Variants in COMMD1 observed in about 807,000 individuals in gnomAD.
COMMD1 encodes copper metabolism domain containing 1.
COMMD1 carries 10 observed loss-of-function variants against 17.2 expected under a neutral mutation model. That is an observed-to-expected ratio of 0.58 (90% CI 0.36 to 0.99). The LOEUF (loss-of-function observed/expected upper bound fraction) is 0.99, where lower values mean the gene tolerates loss of function less well. COMMD1 is among the 50% of genes least tolerant of loss of function. COMMD1 has a pLI of 0.01. For missense variants in COMMD1, 270 were observed against 231.8 expected, an observed-to-expected ratio of 1.17 and a Z score of -1.07; for synonymous variants, 97 against 91.6, an observed-to-expected ratio of 1.06 and a Z score of -0.34.
chr2:62,042,210 G>T (rs988740979), intron 2 of COMMD1, among the ~76,000 whole-genome samples: 12 of 152,152 alleles, frequency 7.9e-5, no homozygotes, highest in South Asian at 2.1e-4. Flanking sequence ...AGACACAAAA[G>T]TTCTCCAAGT....
intron 1 of COMMD1, among the ~76,000 whole-genome samples, chr2:61,907,078 A>G (rs1160171628): frequency 6.6e-6 from 1 of 152,350 alleles, no homozygotes; most frequent in South Asian, 2.1e-4. Flanking sequence ...GATATCAGTC[A>G]TAAATCACTA....
chr2:62,135,600 C>T (rs1158571071), intron 2 of COMMD1, among the ~76,000 whole-genome samples: 1 of 152,090 alleles, frequency 6.6e-6, no homozygotes, highest in Non-Finnish European at 1.5e-5. Context: ...ATCTGCCCGC[C>T]TCGGCCTCCC....
chr2:62,102,374 A>G (rs1672208711), intron 2 of COMMD1, among the ~76,000 whole-genome samples: 1 of 151,842 alleles, frequency 6.6e-6, no homozygotes, highest in Non-Finnish European at 1.5e-5. Flanking sequence ...CCTTCATGAA[A>G]CTCTTAATTC....
intron 1 of COMMD1, among the ~76,000 whole-genome samples, chr2:61,961,635 A>G (rs1028543466): frequency 1.3e-5 from 2 of 152,152 alleles, no homozygotes; most frequent in African/African-American, 4.8e-5. Flanking sequence ...AATTTCCTCT[A>G]TACCATATTT....
At chr2:62,007,647 T>A (rs915175489) in intron 2 of COMMD1, among the ~76,000 whole-genome samples, 3 of 152,178 alleles carry the variant, frequency 2.0e-5, no homozygotes, top group Non-Finnish European at 4.4e-5. Context: ...AGTACAGTAA[T>A]GCCCTGTACA....
chr2:62,078,002 A>T (rs929568539), intron 2 of COMMD1, among the ~76,000 whole-genome samples: 5 of 152,136 alleles, frequency 3.3e-5, no homozygotes, highest in African/African-American at 1.2e-4. Context: ...GGGACTGGGC[A>T]TAGTGGCTCA....
intron 2 of COMMD1, among the ~76,000 whole-genome samples, chr2:62,076,698 G>A (rs1403761835): frequency 6.6e-6 from 1 of 151,472 alleles, no homozygotes; most frequent in African/African-American, 2.4e-5. Context: ...AGTGAGCCGA[G>A]ATCACACCAC....
chr2:61,912,789 A>G (rs1454431865), intron 1 of COMMD1, among the ~76,000 whole-genome samples: 3 of 152,130 alleles, frequency 2.0e-5, no homozygotes, highest in Non-Finnish European at 4.4e-5. Flanking sequence ...ATTTACTTAT[A>G]TCTTGTCTGT....
intron 2 of COMMD1, among the ~76,000 whole-genome samples, chr2:62,009,917 A>G: frequency 6.6e-6 from 1 of 152,164 alleles, no homozygotes; most frequent in Admixed American, 6.5e-5. Flanking sequence ...TAACTAGTGA[A>G]ATAAAAATGT....
intron 2 of COMMD1, among the ~76,000 whole-genome samples, chr2:62,118,771 C>G (rs1004640232): frequency 6.6e-6 from 1 of 152,202 alleles, no homozygotes; most frequent in Admixed American, 6.5e-5. Context: ...TGGCTTCTGC[C>G]AAAATGGGCT....
chr2:62,070,512 C>T (rs977392455), intron 2 of COMMD1: 3 of 140,430 alleles, frequency 2.1e-5, no homozygotes, highest in African/African-American at 8.1e-5. Context: ...CATGCCACTG[C>T]AACCTAGCCT....
intron 1 of COMMD1, among the ~76,000 whole-genome samples, chr2:61,968,115 T>G (rs1671552244): frequency 6.6e-6 from 1 of 152,014 alleles, no homozygotes; most frequent in Admixed American, 6.6e-5. Context: ...GAGCCAAGAT[T>G]GTGCCACTGC....
At chr2:62,010,929 C>A (rs887071178) in intron 2 of COMMD1, among the ~76,000 whole-genome samples, 3 of 152,192 alleles carry the variant, frequency 2.0e-5, no homozygotes, top group African/African-American at 7.2e-5. Flanking sequence ...CTTTCCAGTT[C>A]ACTCCAGTGG....
At chr2:61,917,170 A>G (rs1297313240) in intron 1 of COMMD1, among the ~76,000 whole-genome samples, 1 of 152,056 alleles carries the variant, frequency 6.6e-6, no homozygotes, top group Admixed American at 6.6e-5. Context: ...CCTGGCCAAC[A>G]TGATGAAACC....
intron 1 of COMMD1, among the ~76,000 whole-genome samples, chr2:61,909,373 T>A (rs1185864785): frequency 1.3e-5 from 2 of 152,316 alleles, no homozygotes; most frequent in Admixed American, 1.3e-4. Flanking sequence ...TTAAGAGATA[T>A]CAGTTCTTTC....
intron 2 of COMMD1, among the ~76,000 whole-genome samples, chr2:62,068,027 C>T (rs970910319): frequency 1.3e-5 from 2 of 152,114 alleles, no homozygotes; most frequent in African/African-American, 4.8e-5. Context: ...TGAAGAAACA[C>T]ACTGATCACA....
At chr2:62,046,929 G>A (rs908619658) in intron 2 of COMMD1, among the ~76,000 whole-genome samples, 1 of 152,162 alleles carries the variant, frequency 6.6e-6, no homozygotes, top group Non-Finnish European at 1.5e-5. Flanking sequence ...GCAAAGTAGT[G>A]GTGGTTATTC....
chr2:61,956,401 T>C (rs1671199712), intron 1 of COMMD1, among the ~76,000 whole-genome samples: 1 of 152,152 alleles, frequency 6.6e-6, no homozygotes, highest in Non-Finnish European at 1.5e-5. Context: ...TCAAAATTAA[T>C]TCCTTGTAAA....
chr2:62,061,554 C>CTTTTTTT (rs57638195), intron 2 of COMMD1, among the ~76,000 whole-genome samples: 4 of 131,558 alleles, frequency 3.0e-5, no homozygotes, highest in Non-Finnish European at 6.6e-5. Context: ...TCTTTCTTTT[C>CTTTTTTT]TTTTTTTTTT....
Sources: gnomAD v4.1 joint callset for allele counts (sites outside exome capture counted in the v4.1 genomes callset) on GRCh38, gnomAD v4.1.1 for gene constraint, MANE v1.5 for transcripts, NCBI Gene and HGNC (gene_info 2026-07-23, HGNC 2026-07-21) for gene names.